Variants in NUP210L observed in about 807,000 individuals in gnomAD.
NUP210L encodes the protein nuclear pore membrane glycoprotein 210-like.
Under a neutral mutation model 208.5 loss-of-function variants are expected in NUP210L, and 74 were observed. The ratio of observed to expected loss-of-function variants is 0.35; its 90% CI spans 0.29 to 0.43. The LOEUF is 0.43. NUP210L is among the 20% of genes least tolerant of loss of function. NUP210L has a pLI of 1.00. For synonymous variants in NUP210L, 780 were observed against 816.9 expected, an observed-to-expected ratio of 0.95 and a Z score of 0.77; for missense variants, 1,843 against 2,289.4, an observed-to-expected ratio of 0.81 and a Z score of 3.98.
At chr1:154,154,779 A>T in intron 1 of NUP210L, 63 bp downstream of exon 1, 1 of 1,319,236 alleles carries the variant, frequency 7.6e-7, no homozygotes, top group Non-Finnish European at 1.1e-6. Context: ...TACAGAGGGA[A>T]CCCCCCTCAC....
chr1:154,042,529 C>A (rs1450501301), intron 27 of NUP210L, among the ~76,000 whole-genome samples: 1 of 151,734 alleles, frequency 6.6e-6, no homozygotes, highest in Non-Finnish European at 1.5e-5. Context: ...TGGGTTCATG[C>A]CATTATCCTG....
rs1376918366 is a variant in NUP210L at position 154,116,327 on chromosome 1, G to A, written c.1620+1398C>T. On this transcript the variant is annotated intron_variant, in intron 12 of 39. Coordinates refer to ENST00000368559, the Ensembl canonical transcript of NUP210L. ...TAGTCCCAGCTACTCAGGAGGCTGA[G>A]GCAGGAGAATTGCTTGAACCTGAAA... 7.9e-5 allele frequency among the ~76,000 whole-genome samples: 12 copies of A among 151,890 alleles called. No homozygotes were observed. In the East Asian group the frequency reaches 1.9e-3, roughly 24 times the overall value.
chr1:154,051,788 G>A lies in NUP210L; in HGVS notation c.3483+2440C>T, dbSNP rs184092641. Among the ~76,000 whole-genome samples, 385 of 152,344 alleles carry A rather than the reference G, an allele frequency of 2.5e-3. 3 individuals carry two copies. Among genetic ancestry groups the A allele is most frequent in the African/African-American group, 9.0e-3 (373 of 41,586 alleles). ...TTTGTCTGGGCTACAGGCCAATCAA[G>A]AGAGTCTTCTGCCTCTGTTAAACAT... On this transcript the variant is annotated intron_variant, in intron 25 of 39. Coordinates refer to ENST00000368559, the Ensembl canonical transcript of NUP210L.
At chr1:154,110,992 C>G (rs974916630) in intron 12 of NUP210L, among the ~76,000 whole-genome samples, 27 of 148,800 alleles carry the variant, frequency 1.8e-4, no homozygotes, top group Non-Finnish European at 3.6e-4. Context: ...AAAAGATCAA[C>G]AAAATGAAGA....
chr1:154,049,325 A>C (rs965479662), intron 25 of NUP210L, among the ~76,000 whole-genome samples: 7 of 152,182 alleles, frequency 4.6e-5, no homozygotes, highest in Non-Finnish European at 7.4e-5. Context: ...TTCCAGAGCA[A>C]TTATATACCC....
At position 154,023,276 on chromosome 1, in the gene NUP210L, G is replaced by A. The variant is rs769919106; in HGVS notation, c.4144C>T (p.Arg1382Ter). The A allele has an allele frequency of 1.2e-6, 2 of 1,610,236 alleles. No homozygotes were observed. The highest frequency in any genetic ancestry group is 1.3e-5 in the African/African-American group (1 of 74,778). The change falls in exon 31 of 40, where the codon CGA becomes TGA. Residue 1382 changes from arginine to a stop codon, truncating the protein, a stop_gained. Transcript: ENST00000368559. LOFTEE classifies it high-confidence loss of function. ...TATAGCTTGGGTTGGCTGCTCACTCGCAGGTATGTCACCGGTGCTACCTGT... is the reference window on the plus strand; with the variant it reads ...TATAGCTTGGGTTGGCTGCTCACTCACAGGTATGTCACCGGTGCTACCTGT...
At chr1:154,070,150 T>C (rs1654635287) in intron 17 of NUP210L, 123 bp downstream of exon 17, 4 of 721,982 alleles carry the variant, frequency 5.5e-6, no homozygotes, top group African/African-American at 1.8e-5. Context: ...TGTATACATA[T>C]GTAACAAACC....
intron 15 of NUP210L, among the ~76,000 whole-genome samples, chr1:154,090,841 A>C (rs1364788637): frequency 1.3e-5 from 2 of 151,840 alleles, no homozygotes; most frequent in South Asian, 2.1e-4. Flanking sequence ...ACTGAAAATA[A>C]CAAGTGTTGG....
intron 27 of NUP210L, among the ~76,000 whole-genome samples, chr1:154,041,040 C>A (rs1039508965): frequency 6.6e-6 from 1 of 152,174 alleles, no homozygotes; most frequent in Admixed American, 6.5e-5. Flanking sequence ...ACGCAGCTTA[C>A]TGCAAACTCA....
chr1:154,089,430 G>A, exon 16 of NUP210L: 4 of 1,614,034 alleles, frequency 2.5e-6, no homozygotes, highest in Non-Finnish European at 3.4e-6. Context: ...CCAGCCATTT[G>A]TTGTGCTGTG....
chr1:154,032,979 AAAAGAAAAGAAAAG>A (rs1218650078), intron 27 of NUP210L, among the ~76,000 whole-genome samples: 5 of 150,196 alleles, frequency 3.3e-5, no homozygotes, highest in Non-Finnish European at 7.4e-5. Context: ...AAAAGAAAAG[AAAAGAAAAGAAAAG>A]AAAGAAAGAA....
intron 35 of NUP210L, among the ~76,000 whole-genome samples, chr1:154,006,817 C>CATAT (rs376666558): frequency 0.018 from 2,089 of 114,594 alleles, 57 homozygotes; most frequent in African/African-American, 0.054. Flanking sequence ...CTTACCATGC[C>CATAT]ATATATATAT....
At chr1:154,075,875 T>C (rs755439902) in intron 16 of NUP210L, among the ~76,000 whole-genome samples, 1 of 151,804 alleles carries the variant, frequency 6.6e-6, no homozygotes, top group Non-Finnish European at 1.5e-5. Flanking sequence ...CTGCATCCTC[T>C]GCCTCCTGGA....
chr1:154,154,623 T>C (rs1481085121), intron 1 of NUP210L, among the ~76,000 whole-genome samples: 1 of 151,942 alleles, frequency 6.6e-6, no homozygotes, highest in South Asian at 2.1e-4. Context: ...GTCTGGAAGA[T>C]TGTCACACAG....
At chr1:154,011,980 G>T (rs1388174173) in intron 34 of NUP210L, among the ~76,000 whole-genome samples, 1 of 151,960 alleles carries the variant, frequency 6.6e-6, no homozygotes, top group Non-Finnish European at 1.5e-5. Context: ...AAAGTGCTGG[G>T]ATTATAGGTG....
chr1:153,993,455 A>G (rs1649604435), intron 38 of NUP210L, among the ~76,000 whole-genome samples: 1 of 151,936 alleles, frequency 6.6e-6, no homozygotes, highest in South Asian at 2.1e-4. Context: ...AGTCCCAGCT[A>G]CTCAGGAGGC....
intron 10 of NUP210L, among the ~76,000 whole-genome samples, chr1:154,120,630 TAAA>T (rs553188982): frequency 1.7e-5 from 2 of 117,880 alleles, no homozygotes; most frequent in Admixed American, 8.5e-5. Context: ...GTATAATAAT[TAAA>T]AAAAAAAAAA....
At chr1:154,073,651 C>T (rs371727332) in intron 16 of NUP210L, among the ~76,000 whole-genome samples, 116 of 151,816 alleles carry the variant, frequency 7.6e-4, no homozygotes, top group African/African-American at 2.2e-3. Context: ...CCTGTCTCTA[C>T]TAAAAACACA....
chr1:154,111,840 A>G lies in NUP210L; in HGVS notation c.1620+5885T>C, dbSNP rs957519997. ...ACAAAGACTTATTAAAAACAAAACA[A>G]AACACTACAGGCCAATATCCCTGAT... On this transcript the variant is annotated intron_variant, in intron 12 of 39. Coordinates refer to ENST00000368559, the Ensembl canonical transcript of NUP210L. Among the ~76,000 whole-genome samples the G allele has an allele frequency of 3.3e-5, 5 of 151,798 alleles. 1 individual carries two copies. The highest frequency in any genetic ancestry group is 7.3e-5 in the African/African-American group (3 of 41,044).
Sources: gnomAD v4.1 joint callset for allele counts (sites outside exome capture counted in the v4.1 genomes callset) on GRCh38, gnomAD v4.1.1 for gene constraint, MANE v1.5 for transcripts, NCBI Gene and HGNC (gene_info 2026-07-23, HGNC 2026-07-21) for gene names.